Variants in PRKCE observed in about 807,000 individuals in gnomAD.
PRKCE encodes protein kinase C epsilon, also known as protein kinase C epsilon type.
Under a neutral mutation model 85.4 loss-of-function variants are expected in PRKCE, and 16 were observed. The ratio of observed to expected loss-of-function variants is 0.19; its 90% CI spans 0.13 to 0.28. PRKCE has a LOEUF of 0.28. Ranked by LOEUF, PRKCE falls within the 10% of genes least tolerant of loss-of-function variation. PRKCE has a pLI of 1.00. For missense variants in PRKCE, 573 were observed against 975.2 expected (o/e 0.59, Z 5.49); for synonymous variants, 388 against 371.5 (o/e 1.04, Z -0.51).
intron 10 of PRKCE, among the ~76,000 whole-genome samples, chr2:46,065,461 G>A (rs985353235): frequency 1.6e-4 from 24 of 152,068 alleles, no homozygotes; most frequent in Non-Finnish European, 2.5e-4. Context: ...TCATTTGTCC[G>A]GTTAAGCTTG....
intron 1 of PRKCE, among the ~76,000 whole-genome samples, chr2:45,781,748 A>G (rs912818859): frequency 2.6e-5 from 4 of 152,208 alleles, no homozygotes; most frequent in Non-Finnish European, 5.9e-5. Flanking sequence ...GCTTTCAGAA[A>G]TATTCAAAAT....
intron 1 of PRKCE, among the ~76,000 whole-genome samples, chr2:45,751,542 C>G (rs1683561030): frequency 6.6e-6 from 1 of 151,980 alleles, no homozygotes; most frequent in African/African-American, 2.4e-5. Context: ...ACTCTTGTTT[C>G]TCTAATCAGG....
intron 10 of PRKCE, among the ~76,000 whole-genome samples, chr2:46,065,328 C>T (rs1475118741): frequency 1.3e-5 from 2 of 151,984 alleles, no homozygotes; most frequent in Non-Finnish European, 2.9e-5. Context: ...TGACGGGAAA[C>T]AGTTTTGGGG....
At chr2:45,706,805 A>G (rs945767149) in intron 1 of PRKCE, among the ~76,000 whole-genome samples, 1 of 152,224 alleles carries the variant, frequency 6.6e-6, no homozygotes, top group Non-Finnish European at 1.5e-5. Flanking sequence ...TTGATCATCA[A>G]TAGCAAGAAA....
intron 14 of PRKCE, among the ~76,000 whole-genome samples, chr2:46,182,399 T>C (rs1680075970): frequency 6.6e-6 from 1 of 152,170 alleles, no homozygotes. Context: ...TTTCCTCTTG[T>C]TCTGTACACA....
At chr2:45,854,021 C>T (rs1439283417) in intron 2 of PRKCE, among the ~76,000 whole-genome samples, 1 of 152,178 alleles carries the variant, frequency 6.6e-6, no homozygotes, top group Non-Finnish European at 1.5e-5. Flanking sequence ...TGGATTTGCC[C>T]CCCACACTCC....
intron 11 of PRKCE, among the ~76,000 whole-genome samples, chr2:46,116,677 C>T (rs564333031): frequency 6.6e-6 from 1 of 152,148 alleles, no homozygotes; most frequent in Admixed American, 6.5e-5. Flanking sequence ...CCACCCTCCT[C>T]TGTGGCTGGC....
chr2:46,159,553 C>G lies in PRKCE; in HGVS notation c.1921-53C>G. ...CTGACCTCCATCTGTCCCTTATAGC[C>G]TGTGCTGGCCAGGCCTTTGTCACTA... On this transcript the variant is annotated intron_variant, in intron 13 of 14. Transcript: ENST00000306156. This position sits in a 1 kb window ranked among gnomAD's most constrained non-coding sequence, Gnocchi z 4.1. The G allele has an allele frequency of 6.5e-7, 1 of 1,534,244 alleles. No homozygotes were observed.
At chr2:46,124,863 AT>A (rs1308223483) in intron 11 of PRKCE, among the ~76,000 whole-genome samples, 1 of 152,210 alleles carries the variant, frequency 6.6e-6, no homozygotes, top group Non-Finnish European at 1.5e-5. Context: ...AACTAAAAAT[AT>A]TTCTCCACTA....
At chr2:46,023,535 A>G (rs1236209774) in intron 10 of PRKCE, among the ~76,000 whole-genome samples, 1 of 152,224 alleles carries the variant, frequency 6.6e-6, no homozygotes, top group East Asian at 1.9e-4. Flanking sequence ...TAATGTGAGG[A>G]TAACATCTTT....
rs144200907 is a variant in PRKCE at position 45,795,852 on chromosome 2, CAG to C, written c.349-47145_349-47144del. On this transcript the variant is annotated intron_variant, in intron 1 of 14. Transcript: ENST00000306156. ...CTCGGCAATGCTGTGAGACCCCCCG[CAG>C]AGTTGTCTTCTGCAGGTTTGCACAG... Among the ~76,000 whole-genome samples the C allele has an allele frequency of 8.3e-3, 1,267 of 152,348 alleles. 17 individuals are homozygous for C. Among genetic ancestry groups the C allele is most frequent in the African/African-American group, 0.029 (1,224 of 41,568 alleles).
chr2:45,907,296 T>A lies in PRKCE; in HGVS notation c.412+64233T>A, dbSNP rs1040409015. Among the ~76,000 whole-genome samples the A allele has an allele frequency of 1.3e-5, 2 of 152,170 alleles. No individual in the cohort carries two copies. Among genetic ancestry groups the A allele is most frequent in the Non-Finnish European group, 2.9e-5 (2 of 68,028 alleles). On this transcript the variant is annotated intron_variant, in intron 2 of 14. Coordinates refer to ENST00000306156, the MANE Select transcript of PRKCE (RefSeq NM_005400.3). This position sits in a 1 kb window ranked among gnomAD's most constrained non-coding sequence, Gnocchi z 4.5. The stretch of plus-strand genomic sequence containing the variant: ...AAGGAAAAAATAAATCAGCCCCCTA[T>A]TGAGTGACTTTCAGGAATGAGAGGC...
At chr2:45,745,827 A>T (rs974364693) in intron 1 of PRKCE, among the ~76,000 whole-genome samples, 1 of 152,096 alleles carries the variant, frequency 6.6e-6, no homozygotes, top group African/African-American at 2.4e-5. Flanking sequence ...TCTGTATTTC[A>T]GTTTGTTCAG....
At chr2:45,663,387 T>C (rs1012475965) in intron 1 of PRKCE, among the ~76,000 whole-genome samples, 1 of 152,170 alleles carries the variant, frequency 6.6e-6, no homozygotes, top group African/African-American at 2.4e-5. Context: ...GGGGAATTAA[T>C]GTGGGTTCTG....
intron 10 of PRKCE, among the ~76,000 whole-genome samples, chr2:46,081,728 A>G (rs761756225): frequency 6.6e-6 from 1 of 152,230 alleles, no homozygotes; most frequent in African/African-American, 2.4e-5. Context: ...AAGACTGAGA[A>G]GATCACACAG....
rs547220466 is a variant in PRKCE, at chr2:46,049,714, T to A, written c.1438-36494T>A. ...GCTTTCCACTCTGCATTCTCGTAAA[T>A]CCCACCTCTTCTAGAAAGCCTGCCT... On this transcript the variant is annotated intron_variant, in intron 10 of 14. Transcript: ENST00000306156. Among the ~76,000 whole-genome samples the A allele has an allele frequency of 1.2e-4, 19 of 152,310 alleles. No individual in the cohort carries two copies. In the South Asian group the frequency reaches 3.9e-3, roughly 32 times the overall value.
chr2:46,184,251 G>C lies in PRKCE; in HGVS notation c.2068-484G>C, dbSNP rs1489083397. On this transcript the variant is annotated intron_variant, in intron 14 of 14. Transcript: ENST00000306156. The surrounding 1 kb of genome is among the most constrained non-coding windows in gnomAD (Gnocchi z 5.0). Reference sequence around the variant, plus strand: ...GTGGTGAGAGTAAGTGGAAATCGAGGCAGGCTTGTGGAGAGGATGTCACCT... The same window carrying C: ...GTGGTGAGAGTAAGTGGAAATCGAGCCAGGCTTGTGGAGAGGATGTCACCT... Among the ~76,000 whole-genome samples, 1 of 152,174 alleles carries C rather than the reference G, an allele frequency of 6.6e-6. No individual in the cohort carries two copies. Among genetic ancestry groups the C allele is most frequent in the Non-Finnish European group, 1.5e-5 (1 of 68,036 alleles).
chr2:46,105,699 G>A (rs1417073523), intron 11 of PRKCE, among the ~76,000 whole-genome samples: 2 of 152,158 alleles, frequency 1.3e-5, no homozygotes, highest in African/African-American at 4.8e-5. Context: ...CAATTTGCTG[G>A]AGAGAGGAAC....
chr2:45,705,429 A>T (rs1013931228), intron 1 of PRKCE, among the ~76,000 whole-genome samples: 1 of 152,200 alleles, frequency 6.6e-6, no homozygotes, highest in Non-Finnish European at 1.5e-5. Flanking sequence ...AGTGACTGCC[A>T]GTTGGGGGTA....
Sources: allele counts gnomAD v4.1 joint callset (sites outside exome capture counted in the v4.1 genomes callset), GRCh38; gene constraint gnomAD v4.1.1; non-coding constraint Gnocchi (gnomAD v3.1); transcripts MANE v1.5; gene names NCBI Gene and HGNC (gene_info 2026-07-23, HGNC 2026-07-21).